Variants in PSD3 observed in about 807,000 individuals in gnomAD.
PSD3 encodes the protein PH and SEC7 domain-containing protein 3.
PSD3 carries 49 observed loss-of-function variants against 105.5 expected under a neutral mutation model. That is an observed-to-expected ratio of 0.46 (90% CI 0.37 to 0.59). The LOEUF (loss-of-function observed/expected upper bound fraction) is 0.59. PSD3 is among the 20% of genes least tolerant of loss of function. PSD3 has a pLI of 0.00. For synonymous variants in PSD3, 557 were observed against 457.8 expected (o/e 1.22, Z -2.77); for missense variants, 1,561 against 1,263.8 (o/e 1.24, Z -3.57).
intron 1 of PSD3, among the ~76,000 whole-genome samples, chr8:18,973,489 G>T (rs1824764961): frequency 6.6e-6 from 1 of 152,108 alleles, no homozygotes; most frequent in African/African-American, 2.4e-5. Context: ...ATACACTCTG[G>T]TGTCTCTTCC....
At chr8:18,594,299 A>T (rs1339164858) in intron 12 of PSD3, among the ~76,000 whole-genome samples, 1 of 12,490 alleles carries the variant, frequency 8.0e-5, no homozygotes, top group Non-Finnish European at 1.6e-4. Context: ...TATTATATAT[A>T]ATAATATATA....
intron 11 of PSD3, among the ~76,000 whole-genome samples, chr8:18,628,744 T>C (rs1183032899): frequency 6.6e-6 from 1 of 151,966 alleles, no homozygotes; most frequent in Non-Finnish European, 1.5e-5. Flanking sequence ...CAGTACAATT[T>C]GAAGGTGAAC....
chr8:18,632,812 A>T lies in PSD3; in HGVS notation c.2217-6T>A, dbSNP rs375073279. The T allele has an allele frequency of 2.6e-6, 4 of 1,545,612 alleles. No individual in the cohort carries two copies. Among genetic ancestry groups the T allele is most frequent in the Non-Finnish European group, 3.6e-6 (4 of 1,126,718 alleles). On this transcript the variant is annotated splice_region_variant and splice_polypyrimidine_tract_variant and intron_variant, in intron 10 of 15. Transcript: ENST00000327040. ...TTTTTTTCTCTTCATCATCTCTAAA[A>T]GGGAGAAAGCACAAAGACTGAGTCA... is the stretch of plus-strand genomic sequence containing the variant.
At chr8:18,716,062 G>A (rs1342571388) in intron 9 of PSD3, among the ~76,000 whole-genome samples, 1 of 152,216 alleles carries the variant, frequency 6.6e-6, no homozygotes, top group East Asian at 1.9e-4. Context: ...GTGGGTGAGT[G>A]CTATTTCAAA....
intron 8 of PSD3, among the ~76,000 whole-genome samples, chr8:18,782,484 C>T (rs980647433): frequency 3.9e-5 from 6 of 152,100 alleles, no homozygotes; most frequent in African/African-American, 1.4e-4. Context: ...AAAGCTGTGG[C>T]TTTTAGTAAC....
At chr8:18,697,900 C>T (rs1801348076) in intron 9 of PSD3, among the ~76,000 whole-genome samples, 1 of 152,188 alleles carries the variant, frequency 6.6e-6, no homozygotes, top group Admixed American at 6.5e-5. Flanking sequence ...GAGAAAAAGT[C>T]TGTACATAAT....
intron 14 of PSD3, among the ~76,000 whole-genome samples, chr8:18,569,049 T>G (rs1185824947): frequency 2.2e-5 from 3 of 136,740 alleles, no homozygotes; most frequent in Non-Finnish European, 4.8e-5. Context: ...TCATTTTTTA[T>G]GGCTGCGTAG....
chr8:18,732,861 C>A (rs1803869949), intron 9 of PSD3: 1 of 151,900 alleles, frequency 6.6e-6, no homozygotes, highest in Admixed American at 6.6e-5. Context: ...CCACAAGCCC[C>A]ACTATTGTGA....
intron 12 of PSD3, among the ~76,000 whole-genome samples, chr8:18,578,611 A>G (rs1381536592): frequency 6.6e-6 from 1 of 152,098 alleles, no homozygotes; most frequent in Non-Finnish European, 1.5e-5. Flanking sequence ...AGCTATTACT[A>G]TTGAATGACT....
chr8:18,736,689 G>A (rs189516852), intron 9 of PSD3, among the ~76,000 whole-genome samples: 190 of 152,174 alleles, frequency 1.2e-3, no homozygotes, highest in Admixed American at 4.3e-3. Context: ...GGAAATAATG[G>A]TGCACAAAAA....
At chr8:18,752,543 AT>A (rs1401422128) in intron 9 of PSD3, among the ~76,000 whole-genome samples, 4 of 30,274 alleles carry the variant, frequency 1.3e-4, no homozygotes, top group Admixed American at 7.3e-4. Context: ...TATATTATAT[AT>A]ATTATATATA....
chr8:19,065,033 A>T (rs553497902), intron 1 of PSD3, among the ~76,000 whole-genome samples: 4 of 152,294 alleles, frequency 2.6e-5, no homozygotes, highest in African/African-American at 9.6e-5. Flanking sequence ...TTCCAAAAAA[A>T]CCAGGAGATT....
intron 8 of PSD3, among the ~76,000 whole-genome samples, chr8:18,775,260 T>C (rs1807941213): frequency 6.6e-6 from 1 of 152,238 alleles, no homozygotes. Flanking sequence ...TCCATTCATC[T>C]ATAAATTAAC....
intron 4 of PSD3, among the ~76,000 whole-genome samples, chr8:18,829,214 G>A (rs1586156917): frequency 6.6e-6 from 1 of 152,160 alleles, no homozygotes; most frequent in Non-Finnish European, 1.5e-5. Flanking sequence ...TACAGCCTGG[G>A]TAACAGTGAG....
At chr8:18,917,839 A>G (rs917913486) in intron 2 of PSD3, among the ~76,000 whole-genome samples, 7 of 152,166 alleles carry the variant, frequency 4.6e-5, no homozygotes, top group Admixed American at 1.3e-4. Flanking sequence ...CCAACATACA[A>G]GCTGTGAATC....
chr8:18,910,746 G>A (rs1223919142), intron 2 of PSD3, among the ~76,000 whole-genome samples: 1 of 150,118 alleles, frequency 6.7e-6, no homozygotes, highest in Non-Finnish European at 1.5e-5. Flanking sequence ...GATCCATAAA[G>A]AAATGGTCAG....
At chr8:18,653,960 C>T (rs533613380) in intron 10 of PSD3, among the ~76,000 whole-genome samples, 1 of 152,236 alleles carries the variant, frequency 6.6e-6, no homozygotes, top group East Asian at 1.9e-4. Flanking sequence ...CAGCAAGATT[C>T]TGACTATATC....
chr8:18,703,344 T>C (rs1385584416), intron 9 of PSD3, among the ~76,000 whole-genome samples: 1 of 152,170 alleles, frequency 6.6e-6, no homozygotes, highest in Non-Finnish European at 1.5e-5. Flanking sequence ...CTTCAGAGAC[T>C]TACACAGAGA....
chr8:18,775,882 G>C (rs139667454), intron 8 of PSD3, among the ~76,000 whole-genome samples: 208 of 152,180 alleles, frequency 1.4e-3, no homozygotes, highest in African/African-American at 4.7e-3. Context: ...TAATTTAGAG[G>C]TCTTCCCCTC....
Sources: gnomAD v4.1 joint callset for allele counts (sites outside exome capture counted in the v4.1 genomes callset) on GRCh38, gnomAD v4.1.1 for gene constraint, MANE v1.5 for transcripts, NCBI Gene and HGNC (gene_info 2026-07-23, HGNC 2026-07-21) for gene names.